Variants in ZFPM1 observed in about 807,000 individuals in gnomAD.
The protein encoded by ZFPM1 is zinc finger protein ZFPM1.
Under a neutral mutation model 46.3 loss-of-function variants are expected in ZFPM1, and 28 were observed. The observed-to-expected ratio is 0.60, with a 90% CI of 0.45 to 0.83. ZFPM1 has a LOEUF of 0.83. Ranked by LOEUF, ZFPM1 falls within the 40% of genes least tolerant of loss-of-function variation. The pLI is 0.00. For missense variants in ZFPM1, 1,878 were observed against 1,432.4 expected (o/e 1.31, Z -5.02); for synonymous variants, 957 against 675.9 (o/e 1.42, Z -6.45).
intron 6 of ZFPM1, chr16:88,530,485 G>C (rs530392876): frequency 6.6e-6 from 1 of 152,212 alleles, no homozygotes; most frequent in African/African-American, 2.4e-5. Context: ...GGGCACGGCC[G>C]ACGCTTGTCT....
intron 1 of ZFPM1, among the ~76,000 whole-genome samples, chr16:88,472,123 C>T (rs1403545381): frequency 1.3e-5 from 2 of 152,144 alleles, no homozygotes; most frequent in Admixed American, 6.5e-5. Flanking sequence ...GGACCCAGTT[C>T]GTGGAGGGGG....
intron 2 of ZFPM1, among the ~76,000 whole-genome samples, chr16:88,486,926 A>G (rs1909265596): frequency 6.6e-6 from 1 of 152,152 alleles, no homozygotes; most frequent in Non-Finnish European, 1.5e-5. Context: ...AAGTTTGGTG[A>G]CTTGCCAGGG....
chr16:88,531,223 A>G (rs557131434), intron 6 of ZFPM1, among the ~76,000 whole-genome samples: 10 of 152,352 alleles, frequency 6.6e-5, no homozygotes, highest in African/African-American at 2.4e-4. Flanking sequence ...CCAAGGGGCC[A>G]TGGGCAGATG....
At chr16:88,526,949 T>A in intron 5 of ZFPM1, 33 bp downstream of exon 5, 7 of 1,536,862 alleles carry the variant, frequency 4.6e-6, no homozygotes, top group Non-Finnish European at 6.2e-6. Flanking sequence ...GTCCCAAGCC[T>A]TCCGGAAGGT....
Position 88,534,887 on chromosome 16 carries a change from C to A in ZFPM1, c.2929C>A (p.Arg977Ser). 4 of 1,568,750 alleles carry A rather than the reference C, an allele frequency of 2.5e-6. No individual in the cohort carries two copies. Among genetic ancestry groups the A allele is most frequent in the Non-Finnish European group, 2.6e-6 (3 of 1,162,004 alleles). The change falls in exon 10 of 10, where the codon CGT becomes AGT. Residue 977 changes from arginine (R) to serine (S), a missense_variant. Coordinates refer to ENST00000319555, the MANE Select transcript of ZFPM1 (RefSeq NM_153813.3). ...PLPNGNHRYC[R>S]LCNIKFSSLS... Reference sequence around the variant, plus strand: ...GCCCAACGGCAACCACCGGTACTGCCGTCTTTGCAACATCAAGTTCAGCAG... The same window carrying A: ...GCCCAACGGCAACCACCGGTACTGCAGTCTTTGCAACATCAAGTTCAGCAG...
At chr16:88,506,902 C>T (rs1424271417) in intron 3 of ZFPM1, among the ~76,000 whole-genome samples, 6 of 152,352 alleles carry the variant, frequency 3.9e-5, no homozygotes, top group African/African-American at 1.2e-4. Flanking sequence ...CATCCGCCTG[C>T]GGCTCCGTCT....
At chr16:88,502,726 T>C (rs1567542164) in intron 3 of ZFPM1, among the ~76,000 whole-genome samples, 1 of 152,238 alleles carries the variant, frequency 6.6e-6, no homozygotes, top group Non-Finnish European at 1.5e-5. Flanking sequence ...TGGGAATTTA[T>C]CCCAGAAAAA....
In ZFPM1 at chr16:88,532,727, C is replaced by T. The variant is rs745562085; in HGVS notation, c.1042+18C>T. On this transcript the variant is annotated intron_variant, in intron 8 of 9. Coordinates refer to ENST00000319555, the MANE Select transcript of ZFPM1 (RefSeq NM_153813.3). ...GCTGAGCGGTAGGCACCGCAGGGGC[C>T]GGGGGGTGTGTGGGTCCCGCCTCCC... is the stretch of plus-strand genomic sequence containing the variant. 29 of 1,612,174 alleles carry T rather than the reference C, an allele frequency of 1.8e-5. No individual in the cohort carries two copies. Among genetic ancestry groups the T allele is most frequent in the Non-Finnish European group, 2.4e-5 (28 of 1,179,532 alleles).
chr16:88,483,949 C>G (rs544571493), intron 1 of ZFPM1, among the ~76,000 whole-genome samples: 1 of 152,210 alleles, frequency 6.6e-6, no homozygotes, highest in Non-Finnish European at 1.5e-5. Flanking sequence ...CTCCTTCTCT[C>G]GCATCTTCGG....
intron 3 of ZFPM1, among the ~76,000 whole-genome samples, chr16:88,494,283 C>A (rs964406142): frequency 5.3e-5 from 8 of 152,218 alleles, no homozygotes; most frequent in South Asian, 2.1e-4. Context: ...AGCCACCTTG[C>A]GCTCCCCCGT....
rs763403094 is a variant in ZFPM1, at chr16:88,524,047, C to T, written c.403-2767C>T. Among the ~76,000 whole-genome samples, 112 of 152,348 alleles carry T rather than the reference C, an allele frequency of 7.4e-4. 1 individual carries two copies. The highest frequency in any genetic ancestry group is 6.5e-3 in the Admixed American group (99 of 15,306). Reference sequence around the variant, plus strand: ...ACACGCTGCTCCTGGGAGTGATAAGCATTAAACCGGCCGGCAGGCTGTCAG... The same window carrying T: ...ACACGCTGCTCCTGGGAGTGATAAGTATTAAACCGGCCGGCAGGCTGTCAG... On this transcript the variant is annotated intron_variant, in intron 4 of 9. Coordinates refer to ENST00000319555, the MANE Select transcript of ZFPM1 (RefSeq NM_153813.3).
In ZFPM1 at chr16:88,461,093, A is replaced by AGGGGCGGGAGGCCTGGTGAGGACCG. The variant is rs1567525654; in HGVS notation, c.40+7415_40+7416insGGGGCGGGAGGCCTGGTGAGGACCG. 2.3e-4 allele frequency among the ~76,000 whole-genome samples: 14 copies of AGGGGCGGGAGGCCTGGTGAGGACCG among 62,170 alleles called. 2 individuals are homozygous for AGGGGCGGGAGGCCTGGTGAGGACCG. The highest frequency in any genetic ancestry group is 1.4e-3 in the African/African-American group (14 of 10,088). The allele number at this position is 62,170 out of a possible 152,430, so 40.8% of individuals were successfully genotyped here. A position where few individuals can be genotyped will look rare whatever the true frequency, so the allele number is the denominator to read the frequency against. ...AGGGGCAGAAGGTCTGGTGAGGACC[A>AGGGGCGGGAGGCCTGGTGAGGACCG]AGGGGCAGGAGGCCCTGGTGAGGAC... On this transcript the variant is annotated intron_variant, in intron 1 of 9. Coordinates refer to ENST00000319555, the MANE Select transcript of ZFPM1 (RefSeq NM_153813.3).
chr16:88,485,828 C>G (rs1206522299), intron 1 of ZFPM1, 111 bp from the exon 2 acceptor site: 1 of 932,902 alleles, frequency 1.1e-6, no homozygotes, highest in Non-Finnish European at 1.7e-6. Flanking sequence ...CACCCCCACC[C>G]ATTGCCATTT....
At chr16:88,518,568 T>G (rs1259055350) in intron 4 of ZFPM1, among the ~76,000 whole-genome samples, 2 of 138,006 alleles carry the variant, frequency 1.4e-5, no homozygotes, top group East Asian at 4.5e-4. Context: ...GAAGGATGGA[T>G]AGTGGGTAGA....
chr16:88,478,025 G>A (rs896654859), intron 1 of ZFPM1, among the ~76,000 whole-genome samples: 2 of 152,182 alleles, frequency 1.3e-5, no homozygotes, highest in Non-Finnish European at 2.9e-5. Context: ...GAAGAGGCAC[G>A]AGCTCCCCAT....
chr16:88,504,349 C>T (rs911845893), intron 3 of ZFPM1, among the ~76,000 whole-genome samples: 4 of 152,148 alleles, frequency 2.6e-5, no homozygotes, highest in African/African-American at 9.7e-5. Context: ...GGACCCCCAC[C>T]CCAGTTCTCA....
At chr16:88,458,506 C>T (rs1019762062) in intron 1 of ZFPM1, among the ~76,000 whole-genome samples, 2 of 152,240 alleles carry the variant, frequency 1.3e-5, no homozygotes, top group African/African-American at 4.8e-5. Context: ...GAATGTGATG[C>T]CATTAATTGT....
intron 4 of ZFPM1, chr16:88,522,145 T>C (rs1911948475): frequency 6.6e-6 from 1 of 152,500 alleles, no homozygotes; most frequent in African/African-American, 2.4e-5. Flanking sequence ...AGTGAGTGAG[T>C]GTGTGACCCA....
intron 3 of ZFPM1, among the ~76,000 whole-genome samples, chr16:88,512,076 C>T (rs1307837575): frequency 6.6e-6 from 1 of 152,238 alleles, no homozygotes; most frequent in African/African-American, 2.4e-5. Context: ...TGTGTGATAC[C>T]CATACCCAGA....
Sources: allele counts gnomAD v4.1 joint callset (sites outside exome capture counted in the v4.1 genomes callset), GRCh38; gene constraint gnomAD v4.1.1; transcripts MANE v1.5; gene names NCBI Gene and HGNC (gene_info 2026-07-23, HGNC 2026-07-21).